The following GRK3 variants were observed in gnomAD, a reference collection of about 807,000 sequenced individuals.
The protein encoded by GRK3 is adrenergic, beta, receptor kinase 2.
Under a neutral mutation model 95.7 loss-of-function variants are expected in GRK3, and 54 were observed. The ratio of observed to expected loss-of-function variants is 0.56; its 90% CI spans 0.45 to 0.71. The LOEUF is 0.71. Ranked by LOEUF, GRK3 falls within the 30% of genes least tolerant of loss-of-function variation. The pLI is 0.00. For missense variants in GRK3, 649 were observed against 851.2 expected (o/e 0.76, Z 2.96); for synonymous variants, 281 against 290.8 (o/e 0.97, Z 0.34).
chr22:25,596,625 A>G (rs1171031408), intron 1 of GRK3, among the ~76,000 whole-genome samples: 4 of 152,222 alleles, frequency 2.6e-5, no homozygotes, highest in South Asian at 2.1e-4. Flanking sequence ...TGGCTATTCT[A>G]TGCACTGTTA....
At chr22:25,678,380 G>A (rs2085049092) in intron 8 of GRK3, among the ~76,000 whole-genome samples, 1 of 152,170 alleles carries the variant, frequency 6.6e-6, no homozygotes, top group African/African-American at 2.4e-5. Flanking sequence ...GTGTGAACCC[G>A]GAAGGTGGAG....
At chr22:25,682,852 T>G (rs900481399) in intron 9 of GRK3, among the ~76,000 whole-genome samples, 1 of 152,238 alleles carries the variant, frequency 6.6e-6, no homozygotes, top group Non-Finnish European at 1.5e-5. Context: ...TGCACCCAAC[T>G]TAACTACTAC....
At chr22:25,567,566 G>A (rs545605162) in intron 1 of GRK3, among the ~76,000 whole-genome samples, 53 of 152,274 alleles carry the variant, frequency 3.5e-4, no homozygotes, top group Non-Finnish European at 5.3e-4. Flanking sequence ...AAGGGATACG[G>A]GTCAAATGTT....
At chr22:25,660,294 C>T (rs1042473171) in intron 3 of GRK3, among the ~76,000 whole-genome samples, 10 of 152,106 alleles carry the variant, frequency 6.6e-5, no homozygotes, top group African/African-American at 2.4e-4. Context: ...TGGTTAAGCC[C>T]TGGTCTTTTG....
intron 2 of GRK3, among the ~76,000 whole-genome samples, chr22:25,607,878 G>T (rs774656834): frequency 2.0e-5 from 3 of 152,066 alleles, no homozygotes; most frequent in Admixed American, 6.5e-5. Context: ...ACCATGCCCG[G>T]CCTTTAATGG....
intron 2 of GRK3, among the ~76,000 whole-genome samples, chr22:25,629,749 A>G (rs1283076653): frequency 6.6e-6 from 1 of 152,156 alleles, no homozygotes; most frequent in Non-Finnish European, 1.5e-5. Flanking sequence ...GTTTCAAAGC[A>G]AGGAAGTGTC....
intron 3 of GRK3, among the ~76,000 whole-genome samples, chr22:25,651,962 G>A (rs1158729887): frequency 2.0e-5 from 3 of 152,090 alleles, no homozygotes; most frequent in Non-Finnish European, 4.4e-5. Flanking sequence ...AATAATGGCA[G>A]CCTAAACTTA....
chr22:25,594,901 T>A (rs1391265367), intron 1 of GRK3, among the ~76,000 whole-genome samples: 5 of 151,524 alleles, frequency 3.3e-5, no homozygotes, highest in Middle Eastern at 3.4e-3. Context: ...ATAAATAAAA[T>A]AAATAAATAA....
chr22:25,694,723 G>A (rs2085193053), intron 12 of GRK3, among the ~76,000 whole-genome samples: 1 of 152,070 alleles, frequency 6.6e-6, no homozygotes, highest in African/African-American at 2.4e-5. Context: ...GCGCCGCAGC[G>A]TGGTCGCCTG....
At chr22:25,617,770 A>T (rs1049774961) in intron 2 of GRK3, among the ~76,000 whole-genome samples, 4 of 152,094 alleles carry the variant, frequency 2.6e-5, no homozygotes, top group African/African-American at 9.7e-5. Flanking sequence ...GGCTCCTGTT[A>T]TCAGGATTGC....
At chr22:25,628,752 T>TGTC (rs1413906167) in intron 2 of GRK3, among the ~76,000 whole-genome samples, 1 of 152,226 alleles carries the variant, frequency 6.6e-6, no homozygotes, top group Non-Finnish European at 1.5e-5. Flanking sequence ...TGTCACAGGT[T>TGTC]GTCACAAGCC....
rs145033693 is a variant in GRK3 at position 25,725,990 on chromosome 22, C to T, written c.*3540C>T. On this transcript the variant is annotated 3_prime_UTR_variant, in exon 21 of 21. Transcript: ENST00000324198. ...GGGGCTAAATATCCAGTGAGATGCA[C>T]TGAGGAAAGGAAGCATTTTGCTGAA... is the stretch of plus-strand genomic sequence containing the variant. The T allele has an allele frequency of 1.3e-3, 210 of 164,496 alleles. No homozygotes were observed. Among genetic ancestry groups the T allele is most frequent in the Non-Finnish European group, 1.0e-3 (77 of 76,406 alleles). The allele number at this position is 164,496 out of a possible 1,614,324, so 10.2% of individuals were successfully genotyped here.
At chr22:25,592,246 C>A (rs1314404512) in intron 1 of GRK3, among the ~76,000 whole-genome samples, 1 of 152,196 alleles carries the variant, frequency 6.6e-6, no homozygotes, top group Non-Finnish European at 1.5e-5. Flanking sequence ...TGATGTTGAA[C>A]AACTTTTCAT....
rs145784362 is a variant in GRK3 at position 25,672,629 on chromosome 22, T to C, written c.555+282T>C. Among the ~76,000 whole-genome samples the C allele has an allele frequency of 3.1e-3, 466 of 152,326 alleles. 4 individuals carry two copies. Among genetic ancestry groups the C allele is most frequent in the African/African-American group, 0.01 (425 of 41,574 alleles). On this transcript the variant is annotated intron_variant, in intron 7 of 20. Transcript: ENST00000324198. ...ACAAAAATAGTAGTAAAAATACAAA[T>C]CTTTTACTTAATATAACTCCTTCAT... is the stretch of plus-strand genomic sequence containing the variant.
At chr22:25,673,285 A>G (rs919142975) in intron 7 of GRK3, among the ~76,000 whole-genome samples, 1 of 151,962 alleles carries the variant, frequency 6.6e-6, no homozygotes, top group African/African-American at 2.4e-5. Context: ...GGTGGTCTCT[A>G]TCTCCTGACC....
chr22:25,701,721 G>A (rs1188912451), intron 13 of GRK3, among the ~76,000 whole-genome samples: 4 of 151,648 alleles, frequency 2.6e-5, no homozygotes, highest in Non-Finnish European at 4.4e-5. Context: ...AGCCAGGTCC[G>A]AGGGATTTGT....
At chr22:25,713,948 GATTA>G (rs1192350245) in intron 17 of GRK3, among the ~76,000 whole-genome samples, 1 of 152,148 alleles carries the variant, frequency 6.6e-6, no homozygotes, top group Non-Finnish European at 1.5e-5. Flanking sequence ...TAACTTTTCA[GATTA>G]ATTGAGGGTA....
chr22:25,648,990 A>G lies in GRK3; in HGVS notation c.264+4325A>G, dbSNP rs190002874. On this transcript the variant is annotated intron_variant, in intron 3 of 20. Transcript: ENST00000324198. ...TGTCTGCTCATTTGGAATTCTACAGACAGAACTGGTAACAAAGGGCAGAGT... is the reference window on the plus strand; with the variant it reads ...TGTCTGCTCATTTGGAATTCTACAGGCAGAACTGGTAACAAAGGGCAGAGT... 9.6e-5 allele frequency: 103 copies of G among 1,075,348 alleles called. No individual in the cohort carries two copies. The African/African-American group carries it at 1.4e-3, about 15-fold the overall frequency. The allele number at this position is 1,075,348 out of a possible 1,614,324, so 66.6% of individuals were successfully genotyped here.
intron 1 of GRK3, among the ~76,000 whole-genome samples, chr22:25,573,201 A>T (rs1178239232): frequency 6.6e-6 from 1 of 152,210 alleles, no homozygotes; most frequent in African/African-American, 2.4e-5. Context: ...GCTGTGTGTA[A>T]TCTATGCTCA....
Sources: allele counts gnomAD v4.1 joint callset (sites outside exome capture counted in the v4.1 genomes callset), GRCh38; gene constraint gnomAD v4.1.1; transcripts MANE v1.5; gene names NCBI Gene and HGNC (gene_info 2026-07-23, HGNC 2026-07-21).